The following BCOR variants were observed in gnomAD, a reference collection of about 807,000 sequenced individuals.
The protein encoded by BCOR is BCL6 corepressor.
In BCOR, 10 loss-of-function variants were observed where a neutral mutation model predicts 86.7. The ratio of observed to expected loss-of-function variants is 0.12; its 90% CI spans 0.07 to 0.20. BCOR has a LOEUF of 0.20. BCOR is among the 10% of genes least tolerant of loss of function. The pLI is 1.00. For missense variants in BCOR, 1,259 were observed against 1,452.1 expected (o/e 0.87, Z 2.16); for synonymous variants, 611 against 609.0 (o/e 1.00, Z -0.05).
intron 1 of BCOR, among the ~76,000 whole-genome samples, chrX:40,090,707 A>T (rs2147601734): frequency 1.8e-5 from 2 of 112,532 alleles, no homozygotes; most frequent in East Asian, 5.7e-4. Flanking sequence ...GCTCTCTCCG[A>T]AAAGTCTAAT....
chrX:40,063,499 G>A lies in BCOR; in HGVS notation c.3847+109C>T, dbSNP rs1935012631. 10 of 626,934 alleles carry A rather than the reference G, an allele frequency of 1.6e-5. No individual in the cohort carries two copies. In the South Asian group the frequency reaches 2.6e-4, roughly 16 times the overall value. The allele number at this position is 626,934 out of a possible 1,213,427, so 51.7% of individuals were successfully genotyped here. On this transcript the variant is annotated intron_variant, in intron 8 of 14. Coordinates refer to ENST00000378444, the MANE Select transcript of BCOR (RefSeq NM_001123385.2). Reference sequence around the variant, plus strand: ...CCCTGCCTGCCACATCTTCGTTGAAGTCAATTGCTATGGCCTTCTAAGATC... The same window carrying A: ...CCCTGCCTGCCACATCTTCGTTGAAATCAATTGCTATGGCCTTCTAAGATC...
intron 1 of BCOR, among the ~76,000 whole-genome samples, chrX:40,138,940 G>T (rs1937749509): frequency 9.0e-6 from 1 of 110,931 alleles, no homozygotes; most frequent in Non-Finnish European, 1.9e-5. Context: ...CCATTTCACA[G>T]ATGGGGGAAG....
At chrX:40,113,178 CTTATTTAT>C (rs57583546) in intron 1 of BCOR, among the ~76,000 whole-genome samples, 288 of 101,565 alleles carry the variant, frequency 2.8e-3, no homozygotes, top group African/African-American at 8.4e-3. Flanking sequence ...CTAGAAAGAT[CTTATTTAT>C]TTATTTATTT....
At chrX:40,172,052 C>T (rs1351928182) in intron 1 of BCOR, among the ~76,000 whole-genome samples, 2 of 112,788 alleles carry the variant, frequency 1.8e-5, no homozygotes, top group Non-Finnish European at 3.8e-5. Flanking sequence ...CTGCGCTGCC[C>T]AGCCCAGCCG....
chrX:40,055,884 C>T (rs373731977), intron 11 of BCOR, among the ~76,000 whole-genome samples: 18 of 109,599 alleles, frequency 1.6e-4, no homozygotes, highest in Middle Eastern at 9.3e-3. Flanking sequence ...TGCAGTGGGG[C>T]GGATCATGGC....
At chrX:40,090,946 G>A (rs904501251) in intron 1 of BCOR, among the ~76,000 whole-genome samples, 2 of 111,250 alleles carry the variant, frequency 1.8e-5, no homozygotes. Flanking sequence ...TATTAGCATT[G>A]AAAGATCCTA....
At chrX:40,119,669 G>A (rs1221342423) in intron 1 of BCOR, among the ~76,000 whole-genome samples, 1 of 110,418 alleles carries the variant, frequency 9.1e-6, no homozygotes, top group Non-Finnish European at 1.9e-5. Context: ...TCAAGATGGA[G>A]TTATCCTTGG....
intron 1 of BCOR, among the ~76,000 whole-genome samples, chrX:40,108,398 C>G (rs1275983306): frequency 8.8e-6 from 1 of 113,451 alleles, no homozygotes; most frequent in Non-Finnish European, 1.9e-5. Flanking sequence ...GCCGGCCGCG[C>G]GGAGCCAGTA....
chrX:40,150,692 C>A lies in BCOR; in HGVS notation c.-41+26315G>T, dbSNP rs113379445. 7.1e-4 allele frequency among the ~76,000 whole-genome samples: 79 copies of A among 111,767 alleles called. 1 individual carries two copies. The highest frequency in any genetic ancestry group is 2.5e-3 in the African/African-American group (76 of 30,758). ...CCCCGGTGGTGGTTCCTACACCCAG[C>A]CTCCTGGGAGTTTGCCTATGTGTAT... On this transcript the variant is annotated intron_variant, in intron 1 of 14. Transcript: ENST00000342274.
In BCOR at chrX:40,145,332, G is replaced by T. The variant is rs535067592; in HGVS notation, c.-41+31675C>A. 2.1e-4 allele frequency among the ~76,000 whole-genome samples: 23 copies of T among 111,887 alleles called. No homozygotes were observed. In the South Asian group the frequency reaches 8.5e-3, roughly 41 times the overall value. On this transcript the variant is annotated intron_variant, in intron 1 of 14. Coordinates refer to the BCOR transcript ENST00000342274. Reference sequence around the variant, plus strand: ...CAGCTCTGGGCAACTCAGCCCCTCCGCCCCGCTAGGGAGTGGCCGCTGGCA... The same window carrying T: ...CAGCTCTGGGCAACTCAGCCCCTCCTCCCCGCTAGGGAGTGGCCGCTGGCA...
intron 1 of BCOR, among the ~76,000 whole-genome samples, chrX:40,166,011 A>C (rs1410987485): frequency 8.9e-6 from 1 of 111,741 alleles, no homozygotes; most frequent in African/African-American, 3.3e-5. Context: ...ACTTCATCGG[A>C]TCTTTCTCCA....
chrX:40,139,447 A>T (rs866188411), intron 1 of BCOR, among the ~76,000 whole-genome samples: 2 of 2,366 alleles, frequency 8.5e-4, no homozygotes, highest in Non-Finnish European at 1.1e-3. Context: ...TATATATATA[A>T]TATATATACA....
chrX:40,084,495 C>T (rs1164592270), intron 1 of BCOR, among the ~76,000 whole-genome samples: 1 of 111,886 alleles, frequency 8.9e-6, no homozygotes, highest in Non-Finnish European at 1.9e-5. Flanking sequence ...GCCAGGAATC[C>T]CTCCTTACTA....
chrX:40,118,967 G>C (rs983725222), intron 1 of BCOR, among the ~76,000 whole-genome samples: 9 of 112,388 alleles, frequency 8.0e-5, no homozygotes, highest in Non-Finnish European at 1.5e-4. Flanking sequence ...CGAGTAGCTG[G>C]GATTACAGGC....
upstream of BCOR, among the ~76,000 whole-genome samples, chrX:40,101,694 G>A (rs917215155): frequency 1.8e-5 from 2 of 112,688 alleles, no homozygotes; most frequent in African/African-American, 6.4e-5. Context: ...GGAAAGGCCA[G>A]GCATCCTGTG....
intron 4 of BCOR, chrX:40,071,911 T>C: frequency 2.5e-6 from 1 of 402,346 alleles, no homozygotes; most frequent in South Asian, 4.6e-5. Flanking sequence ...TTTTCTTTTT[T>C]TTTTCCTTTC....
intron 13 of BCOR, 29 bp downstream of exon 13, chrX:40,054,227 A>G (rs1229297276): frequency 8.4e-7 from 1 of 1,186,417 alleles, no homozygotes; most frequent in Non-Finnish European, 1.1e-6. Flanking sequence ...TTCACCTCCT[A>G]CGGAACTAGA....
chrX:40,167,747 C>G (rs760371796), intron 1 of BCOR, among the ~76,000 whole-genome samples: 3 of 111,836 alleles, frequency 2.7e-5, no homozygotes, highest in South Asian at 3.7e-4. Context: ...CACACACACA[C>G]CCACACAGAT....
Position 40,073,286 on chromosome X carries a change from G to C in BCOR, c.2060C>G (p.Pro687Arg). 8.3e-7 allele frequency: 1 copy of C among 1,210,516 alleles called. No individual in the cohort carries two copies. The highest frequency in any genetic ancestry group is 1.1e-6 in the Non-Finnish European group (1 of 894,557). The stretch of plus-strand genomic sequence containing the variant: ...GTGCCCAGGAAACAGACTGCCATTG[G>C]GTAACAAAACTGGGTGAGGGTAGAC... ...GPVYPHPVLL[P>R]NGSLFPGHLA... Residue 687 changes from proline to arginine, a missense_variant, in exon 4 of 15, where the codon CCC (proline) becomes CGC (arginine). By Grantham distance (103) the Pro-to-Arg change is moderately radical. Coordinates refer to ENST00000378444, the MANE Select transcript of BCOR (RefSeq NM_001123385.2).
Sources: allele counts gnomAD v4.1 joint callset (sites outside exome capture counted in the v4.1 genomes callset), GRCh38; gene constraint gnomAD v4.1.1; transcripts MANE v1.5; gene names NCBI Gene and HGNC (gene_info 2026-07-23, HGNC 2026-07-21).